The following PCGF2 variants were observed in gnomAD, a reference collection of about 807,000 sequenced individuals.
PCGF2 encodes the protein polycomb group RING finger protein 2.
In PCGF2, 8 loss-of-function variants were observed where a neutral mutation model predicts 36.1. The ratio of observed to expected loss-of-function variants is 0.22; its 90% CI spans 0.13 to 0.40. The LOEUF (loss-of-function observed/expected upper bound fraction) is 0.40, where lower values mean the gene tolerates loss of function less well. PCGF2 is among the 10% of genes least tolerant of loss of function. The pLI is 1.00. For missense variants in PCGF2, 436 were observed against 475.9 expected (o/e 0.92, Z 0.78); for synonymous variants, 198 against 191.2 (o/e 1.04, Z -0.29).
Position 38,739,516 on chromosome 17 carries a change from G to T in PCGF2, c.209+70C>A. The T allele has an allele frequency of 8.1e-7, 1 of 1,240,510 alleles. No individual in the cohort carries two copies. The highest frequency in any genetic ancestry group is 1.2e-6 in the Non-Finnish European group (1 of 839,798). 76.8% of individuals were successfully genotyped at this position (1,240,510 alleles called of 1,614,324 possible). On this transcript the variant is annotated intron_variant, in intron 4 of 10. Transcript: ENST00000620225. The surrounding 1 kb of genome is among the most constrained non-coding windows in gnomAD (Gnocchi z 4.0). ...CTGCCGCCTTGGCTGAAGGAAGCAC[G>T]GAGCGTGGGAGGGATGGGGGAGGCT...
chr17:38,746,193 C>A (rs1907524107), intron 2 of PCGF2, among the ~76,000 whole-genome samples: 1 of 152,008 alleles, frequency 6.6e-6, no homozygotes, highest in Admixed American at 6.6e-5. Flanking sequence ...TCCCTAAGAT[C>A]AAACAAAGGC....
chr17:38,740,770 G>GA, intron 2 of PCGF2, among the ~76,000 whole-genome samples: 1 of 151,288 alleles, frequency 6.6e-6, no homozygotes, highest in East Asian at 2.0e-4. Flanking sequence ...AAAAAGAAAA[G>GA]AAAAAAGAAA....
chr17:38,739,716 G>C lies in PCGF2; in HGVS notation c.113-34C>G, dbSNP rs553431942. On this transcript the variant is annotated intron_variant, in intron 3 of 10. Coordinates refer to ENST00000620225, the MANE Select transcript of PCGF2 (RefSeq NM_007144.3). The surrounding 1 kb of genome is among the most constrained non-coding windows in gnomAD (Gnocchi z 4.0). ...TGTGGAGAGAGAGAGGAGAGTCAGA[G>C]CCAACTTCCAACTCCAGGACCAGCC... is the stretch of plus-strand genomic sequence containing the variant. 1 of 1,526,904 alleles carries C rather than the reference G, an allele frequency of 6.5e-7. No homozygotes were observed. The highest frequency in any genetic ancestry group is 2.3e-5 in the East Asian group (1 of 44,408). 94.6% of individuals were successfully genotyped at this position (1,526,904 alleles called of 1,614,324 possible).
At chr17:38,749,590 C>G (rs1272112073), upstream of PCGF2, 1 of 453,996 alleles carries the variant, frequency 2.2e-6, no homozygotes, top group African/African-American at 2.0e-5. The surrounding 1 kb of genome is among the most constrained non-coding windows in gnomAD (Gnocchi z 6.5). Context: ...GATTATCCAT[C>G]CGGCCAGCAG....
rs1282762333 is a variant in PCGF2, at chr17:38,739,894, T to C, written c.113-212A>G. On this transcript the variant is annotated intron_variant, in intron 3 of 10. Coordinates refer to ENST00000620225, the MANE Select transcript of PCGF2 (RefSeq NM_007144.3). The surrounding 1 kb of genome is among the most constrained non-coding windows in gnomAD (Gnocchi z 4.0). ...TCTTGTGTGAGACAGGCCAGTGTCA[T>C]GTACAATGCAGAAGGTCAGCCCTGA... is the stretch of plus-strand genomic sequence containing the variant. Among the ~76,000 whole-genome samples the C allele has an allele frequency of 6.6e-6, 1 of 152,150 alleles. No individual in the cohort carries two copies. The highest frequency in any genetic ancestry group is 2.4e-5 in the African/African-American group (1 of 41,432).
chr17:38,735,476 T>A lies in PCGF2; in HGVS notation c.782A>T (p.Asp261Val). 1 of 1,592,358 alleles carries A rather than the reference T, an allele frequency of 6.3e-7. No homozygotes were observed. Among genetic ancestry groups the A allele is most frequent in the Non-Finnish European group, 8.5e-7 (1 of 1,169,608 alleles). Residue 261 changes from aspartate to valine, a missense_variant, in exon 11 of 11, where the codon GAC becomes GTC. Asp to Val is a radical substitution (Grantham distance 152). Coordinates refer to ENST00000620225, the MANE Select transcript of PCGF2 (RefSeq NM_007144.3). ...CAGGGTGGCAGGGCTGGGAGCCTTG[T>A]CGCTGACTGACTCACACTCGGACGC... ...SGASECESVSDKAPSPATLPA... is the reference protein window; with the variant it reads ...SGASECESVSVKAPSPATLPA...
chr17:38,740,197 C>A, intron 3 of PCGF2, 94 bp downstream of exon 3: 1 of 1,155,054 alleles, frequency 8.7e-7, no homozygotes, highest in South Asian at 1.3e-5. Flanking sequence ...CTCTTTAGGG[C>A]AAGGGTTTGC....
rs1163265337 is a variant in PCGF2 at position 38,748,191 on chromosome 17, C to T, written c.-134+5G>A. 18 of 112,682 alleles carry T rather than the reference C, an allele frequency of 1.6e-4. No individual in the cohort carries two copies. The Admixed American group carries it at 2.0e-3, about 13-fold the overall frequency. The allele number at this position is 112,682 out of a possible 1,614,324, so 7.0% of individuals were successfully genotyped here. On this transcript the variant is annotated splice_donor_5th_base_variant and intron_variant, in intron 1 of 10. Coordinates refer to ENST00000620225, the MANE Select transcript of PCGF2 (RefSeq NM_007144.3). ...GGAAAGGCAGGGGGAGTCCGCTCCGCTTACCTGGGTTCGGGGTCCGGTGGG... is the reference window on the plus strand; with the variant it reads ...GGAAAGGCAGGGGGAGTCCGCTCCGTTTACCTGGGTTCGGGGTCCGGTGGG...
intron 2 of PCGF2, among the ~76,000 whole-genome samples, chr17:38,745,107 C>T (rs769049619): frequency 5.9e-5 from 9 of 152,042 alleles, no homozygotes; most frequent in Non-Finnish European, 1.0e-4. Context: ...CCAAGACGGG[C>T]GGATCATGAG....
intron 9 of PCGF2, among the ~76,000 whole-genome samples, chr17:38,737,399 A>G (rs57811257): frequency 0.46 from 69,813 of 151,380 alleles, 16,222 homozygotes; most frequent in African/African-American, 0.52. Context: ...GGAGGTGGAG[A>G]TTGCAGTGAG....
rs532895629 is a variant in PCGF2, at chr17:38,740,497, C to T, written c.-40-55G>A. 2.7e-4 allele frequency: 374 copies of T among 1,370,042 alleles called. 1 individual carries two copies. The highest frequency in any genetic ancestry group is 3.3e-4 in the Non-Finnish European group (330 of 1,005,328). 84.9% of individuals were successfully genotyped at this position (1,370,042 alleles called of 1,614,324 possible). Reference sequence around the variant, plus strand: ...AGAGTTGGCCGGGCGCGGTGGTTCACGCCTGTAATCCCAGCACTTTGGGAG... The same window carrying T: ...AGAGTTGGCCGGGCGCGGTGGTTCATGCCTGTAATCCCAGCACTTTGGGAG... On this transcript the variant is annotated intron_variant, in intron 2 of 10. Coordinates refer to ENST00000620225, the MANE Select transcript of PCGF2 (RefSeq NM_007144.3).
At chr17:38,743,427 C>A (rs900111857) in intron 2 of PCGF2, among the ~76,000 whole-genome samples, 7 of 152,010 alleles carry the variant, frequency 4.6e-5, no homozygotes, top group African/African-American at 9.7e-5. Context: ...CAGCCGAGAG[C>A]CCCACACTGC....
rs529143974 is a variant in PCGF2, at chr17:38,742,976, AC to A, written c.-40-2535del. Among the ~76,000 whole-genome samples the A allele has an allele frequency of 1.5e-3, 232 of 151,872 alleles. 2 individuals are homozygous for A. Among genetic ancestry groups the A allele is most frequent in the African/African-American group, 5.5e-3 (227 of 41,374 alleles). On this transcript the variant is annotated intron_variant, in intron 2 of 10. Transcript: ENST00000620225. Reference sequence around the variant, plus strand: ...GCATGCCCTCATCTATCTCCCGTTCACCCTCATATACACATGCACGCGTACA... The same window carrying A: ...GCATGCCCTCATCTATCTCCCGTTCACCTCATATACACATGCACGCGTACA...
chr17:38,749,354 G>A (rs756409500), upstream of PCGF2: 18 of 243,802 alleles, frequency 7.4e-5, no homozygotes, highest in Non-Finnish European at 1.5e-4. This position sits in a 1 kb window ranked among gnomAD's most constrained non-coding sequence, Gnocchi z 6.5. Flanking sequence ...CTGGCGCCCC[G>A]GCTCCACCTG....
intron 2 of PCGF2, among the ~76,000 whole-genome samples, chr17:38,741,482 G>C (rs577889505): frequency 4.0e-5 from 6 of 151,892 alleles, no homozygotes. Flanking sequence ...CTTCCACTAC[G>C]TCCCAGCCTC....
At position 38,736,772 on chromosome 17, in the gene PCGF2, T is replaced by G. The variant is rs536038236; in HGVS notation, c.577-602A>C. On this transcript the variant is annotated intron_variant, in intron 9 of 10. Transcript: ENST00000620225. The stretch of plus-strand genomic sequence containing the variant: ...TGGCGTGAACCCGGGAGGCGGAGCT[T>G]GCAGTGAGCGGAGATAGTGCCCCTG... Among the ~76,000 whole-genome samples, 29 of 151,448 alleles carry G rather than the reference T, an allele frequency of 1.9e-4. No individual in the cohort carries two copies. In the South Asian group the frequency reaches 6.0e-3, roughly 32 times the overall value.
intron 2 of PCGF2, 111 bp from the exon 3 acceptor site, chr17:38,740,553 A>ATT: frequency 1.5e-6 from 1 of 685,400 alleles, no homozygotes; most frequent in Non-Finnish European, 2.4e-6. Flanking sequence ...AGGTCAGGAG[A>ATT]TTGAGACCAT....
intron 9 of PCGF2, among the ~76,000 whole-genome samples, chr17:38,737,872 A>G (rs1373388576): frequency 6.8e-6 from 1 of 147,740 alleles, no homozygotes; most frequent in Admixed American, 7.0e-5. Flanking sequence ...AGATCGCTCC[A>G]CTGCACTCTA....
rs757730739 is a variant in PCGF2 at position 38,739,042 on chromosome 17, A to G, written c.316+26T>C. 1.2e-6 allele frequency: 2 copies of G among 1,611,580 alleles called. No individual in the cohort carries two copies. The highest frequency in any genetic ancestry group is 8.5e-7 in the Non-Finnish European group (1 of 1,179,416). On this transcript the variant is annotated intron_variant, in intron 6 of 10. Transcript: ENST00000620225. The surrounding 1 kb of genome is among the most constrained non-coding windows in gnomAD (Gnocchi z 4.0). ...CATGGTCCCAGGCAAGACTGTGCAC[A>G]CACAAACAGACGCGAGCACACTCAC... is the stretch of plus-strand genomic sequence containing the variant.
Sources: gnomAD v4.1 joint callset for allele counts (sites outside exome capture counted in the v4.1 genomes callset) on GRCh38, gnomAD v4.1.1 for gene constraint, Gnocchi (gnomAD v3.1) non-coding constraint, MANE v1.5 for transcripts, NCBI Gene and HGNC (gene_info 2026-07-23, HGNC 2026-07-21) for gene names.